Variants in PACRG observed in about 807,000 individuals in gnomAD.
The protein encoded by PACRG is parkin coregulated, also known as parkin coregulated gene protein.
Under a neutral mutation model 29.7 loss-of-function variants are expected in PACRG, and 29 were observed. That is an observed-to-expected ratio of 0.98 (90% CI 0.73 to 1.33). The LOEUF (loss-of-function observed/expected upper bound fraction) is 1.33, where lower values mean the gene tolerates loss of function less well. PACRG is among the 40% of genes most tolerant of loss of function. The probability of loss-of-function intolerance (pLI) is 0.00; values close to 1 mark genes in which losing one functional copy is unlikely to be tolerated. For missense variants in PACRG, 279 were observed against 316.2 expected (o/e 0.88, Z 0.89); for synonymous variants, 116 against 118.7 (o/e 0.98, Z 0.15).
intron 2 of PACRG, among the ~76,000 whole-genome samples, chr6:162,986,183 C>G (rs543002552): frequency 6.6e-4 from 100 of 151,980 alleles, no homozygotes; most frequent in Non-Finnish European, 1.1e-3. Context: ...AAAATACCAC[C>G]ATCATTCTTT....
chr6:162,727,678 G>T (rs1406908273), upstream of PACRG: 1 of 1,577,928 alleles, frequency 6.3e-7, no homozygotes, highest in East Asian at 2.4e-5. Flanking sequence ...TGGTCACTGG[G>T]TAGGTGGCGG....
At chr6:162,964,113 C>T (rs940568716) in intron 2 of PACRG, among the ~76,000 whole-genome samples, 3 of 152,056 alleles carry the variant, frequency 2.0e-5, no homozygotes, top group African/African-American at 4.8e-5. Context: ...AATACAACAC[C>T]GTGAAAGCAG....
At chr6:162,955,558 C>G (rs1214701919) in intron 2 of PACRG, among the ~76,000 whole-genome samples, 1 of 152,212 alleles carries the variant, frequency 6.6e-6, no homozygotes, top group East Asian at 1.9e-4. Context: ...CTTGGCCTCC[C>G]AAAGTGCTGG....
At chr6:162,864,115 A>G (rs73019543) in intron 2 of PACRG, among the ~76,000 whole-genome samples, 30,847 of 152,088 alleles carry the variant, frequency 0.2, 3,331 homozygotes, top group Middle Eastern at 0.27. Context: ...TCACCGTCCA[A>G]TAATTATCTT....
chr6:163,230,623 G>C (rs1450442771), intron 4 of PACRG, among the ~76,000 whole-genome samples: 1 of 132,864 alleles, frequency 7.5e-6, no homozygotes, highest in East Asian at 2.3e-4. Flanking sequence ...AGACTTATTT[G>C]ACGTGTCCAA....
chr6:163,188,424 T>C (rs921315966), intron 4 of PACRG, among the ~76,000 whole-genome samples: 2 of 152,204 alleles, frequency 1.3e-5, no homozygotes, highest in African/African-American at 4.8e-5. Context: ...GTAGAAAATC[T>C]AACGTCATCT....
In PACRG at chr6:162,791,112, A is replaced by G. The variant is rs374346092; in HGVS notation, c.157-23035A>G. On this transcript the variant is annotated intron_variant, in intron 1 of 4. Transcript: ENST00000366888. ...ATGTTGCTTTCAATTTATGTATGTG[A>G]TGCTTATAGTTTCACACAACTCAAG... 3.9e-5 allele frequency among the ~76,000 whole-genome samples: 6 copies of G among 152,316 alleles called. No individual in the cohort carries two copies. The East Asian group carries it at 1.2e-3, about 29-fold the overall frequency.
intron 2 of PACRG, among the ~76,000 whole-genome samples, chr6:163,047,605 T>C (rs1809531683): frequency 6.6e-6 from 1 of 152,206 alleles, no homozygotes; most frequent in East Asian, 1.9e-4. Flanking sequence ...TTAGCTGTCT[T>C]TTAGCCTTTT....
Position 162,835,729 on chromosome 6 carries a change from G to A in PACRG, c.291+21448G>A, listed in dbSNP as rs138109594. Among the ~76,000 whole-genome samples the A allele has an allele frequency of 5.4e-3, 818 of 152,088 alleles. 10 individuals carry two copies. The highest frequency in any genetic ancestry group is 0.019 in the African/African-American group (782 of 41,516). On this transcript the variant is annotated intron_variant, in intron 2 of 4. Transcript: ENST00000366888. ...AGTAGCATGTGCTTTTTAATTACCTGCCGTCATCTATATGAACTTGTTGAG... is the reference window on the plus strand; with the variant it reads ...AGTAGCATGTGCTTTTTAATTACCTACCGTCATCTATATGAACTTGTTGAG...
At chr6:163,183,348 T>C (rs1779764328) in intron 4 of PACRG, 1 of 152,226 alleles carries the variant, frequency 6.6e-6, no homozygotes, top group African/African-American at 2.4e-5. Flanking sequence ...TAAGGAACTT[T>C]ATCCTGAAGA....
At chr6:163,130,726 A>C (rs914668772) in intron 4 of PACRG, among the ~76,000 whole-genome samples, 4 of 152,114 alleles carry the variant, frequency 2.6e-5, no homozygotes, top group African/African-American at 7.2e-5. Context: ...TGCTCTTGCC[A>C]GGCTCAGCAA....
chr6:162,731,713 T>C (rs1224965752), intron 1 of PACRG, among the ~76,000 whole-genome samples: 1 of 152,184 alleles, frequency 6.6e-6, no homozygotes, highest in Non-Finnish European at 1.5e-5. Context: ...GTTCAACCTA[T>C]ACTTTACATG....
chr6:163,033,275 T>A (rs925547782), intron 2 of PACRG, among the ~76,000 whole-genome samples: 10 of 152,196 alleles, frequency 6.6e-5, no homozygotes, highest in African/African-American at 2.4e-4. Context: ...ATGTGGGGCC[T>A]AGGACCCAGA....
intron 2 of PACRG, among the ~76,000 whole-genome samples, chr6:163,025,854 G>A (rs148975711): frequency 6.6e-6 from 1 of 152,224 alleles, no homozygotes; most frequent in Admixed American, 6.5e-5. Context: ...GAGCACAAAG[G>A]TTGGCAAATG....
intron 2 of PACRG, among the ~76,000 whole-genome samples, chr6:162,862,309 A>G (rs1463049955): frequency 1.3e-5 from 2 of 152,182 alleles, no homozygotes; most frequent in African/African-American, 4.8e-5. Context: ...TCATGTCATT[A>G]CACTGGGAAG....
chr6:162,995,332 C>A (rs945345654), intron 2 of PACRG, among the ~76,000 whole-genome samples: 2 of 151,136 alleles, frequency 1.3e-5, no homozygotes, highest in Non-Finnish European at 3.0e-5. Flanking sequence ...GGGCGCCCCT[C>A]CCCCAGCCTC....
chr6:162,955,912 C>T (rs1799986846), intron 2 of PACRG, among the ~76,000 whole-genome samples: 1 of 152,286 alleles, frequency 6.6e-6, no homozygotes, highest in Middle Eastern at 3.4e-3. Context: ...TACGTGTACA[C>T]ATGCCTGGGG....
At chr6:163,223,329 G>A (rs540016463) in intron 4 of PACRG, among the ~76,000 whole-genome samples, 3 of 152,178 alleles carry the variant, frequency 2.0e-5, no homozygotes, top group Non-Finnish European at 4.4e-5. Flanking sequence ...GGGAGGCAGA[G>A]GTTGCAGTAA....
intron 2 of PACRG, among the ~76,000 whole-genome samples, chr6:163,003,550 C>G (rs909650497): frequency 6.6e-6 from 1 of 152,076 alleles, no homozygotes; most frequent in African/African-American, 2.4e-5. Flanking sequence ...TCCCTTTTTT[C>G]TATATCCACT....
Sources: gnomAD v4.1 joint callset for allele counts (sites outside exome capture counted in the v4.1 genomes callset) on GRCh38, gnomAD v4.1.1 for gene constraint, MANE v1.5 for transcripts, NCBI Gene and HGNC (gene_info 2026-07-23, HGNC 2026-07-21) for gene names.